CALCR: variants seen among roughly 807,000 people sequenced by gnomAD.
CALCR encodes the protein calcitonin receptor.
CALCR carries 47 observed loss-of-function variants against 59.5 expected under a neutral mutation model. The observed-to-expected ratio is 0.79, with a 90% CI of 0.63 to 1.01. CALCR has a LOEUF of 1.01. Among genes scored for constraint, CALCR ranks in the 50% least tolerant of loss-of-function variants. The pLI is 0.00. For synonymous variants in CALCR, 213 were observed against 211.3 expected (o/e 1.01, Z -0.07); for missense variants, 566 against 597.1 (o/e 0.95, Z 0.54).
chr7:93,442,211 T>C (rs938047466), intron 9 of CALCR, among the ~76,000 whole-genome samples: 4 of 152,188 alleles, frequency 2.6e-5, no homozygotes, highest in African/African-American at 9.6e-5. Context: ...ATTTCTGCCC[T>C]TAGATTCCAT....
In CALCR at chr7:93,460,924, G is replaced by T. The variant is rs1182219736; in HGVS notation, c.545C>A (p.Thr182Asn). 3.7e-6 allele frequency: 6 copies of T among 1,610,076 alleles called. No homozygotes were observed. The highest frequency in any genetic ancestry group is 4.5e-5 in the East Asian group (2 of 44,624). Residue 182 changes from threonine to asparagine, a missense_variant, in exon 8 of 14, where the codon ACC becomes AAC. Coordinates refer to ENST00000426151, the MANE Select transcript of CALCR (RefSeq NM_001742.4). ...AGTAAGAAACATGTTCTTGTGCAGG[G>T]TTACCCTTTGGCAGCCAAGGCTCCT... is the stretch of plus-strand genomic sequence containing the variant. ...FFRSLGCQRVTLHKNMFLTYI... is the reference protein window; with the variant it reads ...FFRSLGCQRVNLHKNMFLTYI...
intron 2 of CALCR, among the ~76,000 whole-genome samples, chr7:93,533,910 A>G (rs1344298189): frequency 6.6e-6 from 1 of 151,802 alleles, no homozygotes; most frequent in Non-Finnish European, 1.5e-5. Context: ...TACCTTCATA[A>G]TGTTTAGCAG....
intron 2 of CALCR, among the ~76,000 whole-genome samples, chr7:93,567,290 G>T (rs925131614): frequency 1.3e-5 from 2 of 152,138 alleles, no homozygotes; most frequent in African/African-American, 4.8e-5. Context: ...CAGTGTGCAG[G>T]AGAAATAAAA....
At chr7:93,460,721 T>C (rs1255384767) in intron 8 of CALCR, 100 bp downstream of exon 8, 3 of 828,470 alleles carry the variant, frequency 3.6e-6, no homozygotes, top group East Asian at 5.8e-5. Context: ...TGATTACACA[T>C]GTAAACAGCT....
At position 93,510,553 on chromosome 7, in the gene CALCR, C is replaced by G. The variant is rs775602669; in HGVS notation, c.-26-23546G>C. On this transcript the variant is annotated intron_variant, in intron 2 of 13. Coordinates refer to ENST00000426151, the MANE Select transcript of CALCR (RefSeq NM_001742.4). ...TCCCCCAAATTCTTCACTTCTAAGC[C>G]TGGACAAAAAGAGATGAGGGGTCTC... Among the ~76,000 whole-genome samples the G allele has an allele frequency of 2.0e-5, 3 of 152,036 alleles. No homozygotes were observed. The East Asian group carries it at 5.8e-4, about 29-fold the overall frequency.
intron 2 of CALCR, among the ~76,000 whole-genome samples, chr7:93,567,113 C>T (rs1449468740): frequency 6.6e-6 from 1 of 152,104 alleles, no homozygotes; most frequent in African/African-American, 2.4e-5. Context: ...AATATGTGTG[C>T]TATGTTTTAA....
At chr7:93,531,499 T>C (rs1161898217) in intron 2 of CALCR, among the ~76,000 whole-genome samples, 1 of 152,172 alleles carries the variant, frequency 6.6e-6, no homozygotes, top group Admixed American at 6.6e-5. Flanking sequence ...ACATGCCATA[T>C]TGGAAGATGG....
At chr7:93,568,541 C>CTCTCTCTCTCTCTG (rs1789923096) in intron 2 of CALCR, among the ~76,000 whole-genome samples, 1 of 150,478 alleles carries the variant, frequency 6.6e-6, no homozygotes, top group Non-Finnish European at 1.5e-5. Flanking sequence ...CTCTCTCTCT[C>CTCTCTCTCTCTCTG]TCTCTCTCTC....
At chr7:93,531,907 T>G (rs1039868737) in intron 2 of CALCR, among the ~76,000 whole-genome samples, 2 of 152,042 alleles carry the variant, frequency 1.3e-5, no homozygotes, top group African/African-American at 4.8e-5. Flanking sequence ...AATTCATTGA[T>G]CTGAAAAATA....
intron 8 of CALCR, among the ~76,000 whole-genome samples, chr7:93,460,165 G>A (rs1247475552): frequency 6.6e-6 from 1 of 152,108 alleles, no homozygotes; most frequent in Non-Finnish European, 1.5e-5. Context: ...GAATCACGGG[G>A]AAGCACTGCC....
chr7:93,534,608 G>A (rs1182641770), intron 2 of CALCR, among the ~76,000 whole-genome samples: 2 of 151,730 alleles, frequency 1.3e-5, no homozygotes, highest in South Asian at 2.1e-4. Flanking sequence ...TTCTTAGGAA[G>A]CGTTTTTATT....
At chr7:93,441,335 G>T (rs962086020) in intron 9 of CALCR, among the ~76,000 whole-genome samples, 2 of 151,992 alleles carry the variant, frequency 1.3e-5, no homozygotes, top group African/African-American at 4.8e-5. Context: ...TGTGTGTTTG[G>T]GGTGGAATGT....
chr7:93,459,426 C>A (rs537404283), intron 8 of CALCR, among the ~76,000 whole-genome samples: 1 of 150,138 alleles, frequency 6.7e-6, no homozygotes, highest in South Asian at 2.1e-4. Flanking sequence ...GATAAATAAC[C>A]TCCAAAATCC....
chr7:93,545,055 T>C (rs1789249020), intron 2 of CALCR, among the ~76,000 whole-genome samples: 1 of 152,038 alleles, frequency 6.6e-6, no homozygotes, highest in Admixed American at 6.6e-5. Flanking sequence ...TTCGTTAGGC[T>C]GCTTCATGGA....
intron 8 of CALCR, among the ~76,000 whole-genome samples, chr7:93,457,259 G>A (rs1006217518): frequency 1.3e-5 from 2 of 152,178 alleles, no homozygotes; most frequent in Non-Finnish European, 2.9e-5. Flanking sequence ...TTAGGCCCTT[G>A]GGAGTTTTGA....
intron 4 of CALCR, among the ~76,000 whole-genome samples, chr7:93,479,144 G>A (rs962166111): frequency 6.6e-6 from 1 of 151,802 alleles, no homozygotes; most frequent in Non-Finnish European, 1.5e-5. Context: ...TATCATGAGG[G>A]CAGATGTTAG....
chr7:93,428,121 G>A (rs989200584), intron 13 of CALCR, among the ~76,000 whole-genome samples: 7 of 152,212 alleles, frequency 4.6e-5, no homozygotes, highest in African/African-American at 7.2e-5. Context: ...GGTGGACCAT[G>A]CAGCTGAAAG....
chr7:93,506,812 G>A (rs1004040323), intron 2 of CALCR, among the ~76,000 whole-genome samples: 17 of 152,110 alleles, frequency 1.1e-4, no homozygotes, highest in Non-Finnish European at 2.4e-4. Flanking sequence ...ATCTTGAATT[G>A]TAGTTCCCAC....
intron 13 of CALCR, among the ~76,000 whole-genome samples, chr7:93,432,320 G>C (rs982893007): frequency 7.2e-5 from 11 of 152,112 alleles, no homozygotes; most frequent in Admixed American, 6.6e-4. Context: ...TCCCATCACA[G>C]CCCTATCTTA....
Sources: gnomAD v4.1 joint callset for allele counts (sites outside exome capture counted in the v4.1 genomes callset) on GRCh38, gnomAD v4.1.1 for gene constraint, MANE v1.5 for transcripts, NCBI Gene and HGNC (gene_info 2026-07-23, HGNC 2026-07-21) for gene names.